SHROOM4: variants seen among roughly 807,000 people sequenced by gnomAD.
SHROOM4 encodes protein Shroom4.
Under a neutral mutation model 80.3 loss-of-function variants are expected in SHROOM4, and 17 were observed. The observed-to-expected ratio is 0.21, with a 90% CI of 0.14 to 0.32. The LOEUF is 0.32. SHROOM4 is among the 10% of genes least tolerant of loss of function. SHROOM4 has a pLI of 1.00. For synonymous variants in SHROOM4, 400 were observed against 437.5 expected, an observed-to-expected ratio of 0.91 and a Z score of 1.07; for missense variants, 993 against 1,140.3, an observed-to-expected ratio of 0.87 and a Z score of 1.86.
At chrX:50,692,343 T>G (rs1332369081) in intron 2 of SHROOM4, among the ~76,000 whole-genome samples, 1 of 111,951 alleles carries the variant, frequency 8.9e-6, no homozygotes, top group Non-Finnish European at 1.9e-5. Context: ...CATCATTCTC[T>G]GCAGGTTAGG....
chrX:50,776,339 G>C (rs1054145122), intron 1 of SHROOM4, among the ~76,000 whole-genome samples: 8 of 110,948 alleles, frequency 7.2e-5, no homozygotes, highest in Non-Finnish European at 1.5e-4. Flanking sequence ...CTTTTATTTA[G>C]ACAATATCTA....
rs782241718 is a variant in SHROOM4, at chrX:50,634,634, A to T, written c.1439T>A (p.Val480Glu). The T allele has an allele frequency of 7.3e-5, 88 of 1,209,429 alleles. No homozygotes were observed. Among genetic ancestry groups the T allele is most frequent in the Non-Finnish European group, 9.7e-5 (87 of 895,120 alleles). ...TCCCAAAACTAAAGACCTGTCATCC[A>T]CTTGTCTGGTCTTTCTTTCTTTGCT... is the stretch of plus-strand genomic sequence containing the variant. ...QSSKERKTRQVDDRSLVLGHQ... is the reference protein window; with the variant it reads ...QSSKERKTRQEDDRSLVLGHQ... The change falls in exon 4 of 9, where the codon GTG becomes GAG. Residue 480 changes from valine to glutamate, a missense_variant. Transcript: ENST00000376020.
intron 2 of SHROOM4, among the ~76,000 whole-genome samples, chrX:50,695,193 A>G (rs1044605175): frequency 9.8e-5 from 11 of 111,794 alleles, no homozygotes; most frequent in Non-Finnish European, 1.5e-4. Flanking sequence ...CACTTCCTCT[A>G]TGAAGTCTTA....
chrX:50,590,535 C>A lies in SHROOM4; in HGVS notation c.*6160G>T, dbSNP rs188135150. Among the ~76,000 whole-genome samples the A allele has an allele frequency of 3.0e-3, 337 of 111,225 alleles. 1 individual carries two copies. Among genetic ancestry groups the A allele is most frequent in the African/African-American group, 9.8e-3 (300 of 30,602 alleles). ...AAAGTGCTGGGATTACAGGCGTGAG[C>A]CACCGCGCCTGGCCGAGACCAGATC... On this transcript the variant is annotated 3_prime_UTR_variant, in exon 9 of 9. Coordinates refer to ENST00000376020, the MANE Select transcript of SHROOM4 (RefSeq NM_020717.5).
rs1323883636 is a variant in SHROOM4 at position 50,587,209 on chromosome X, C to T, written c.*9486G>A. On this transcript the variant is annotated 3_prime_UTR_variant, in exon 9 of 9. Coordinates refer to ENST00000376020, the MANE Select transcript of SHROOM4 (RefSeq NM_020717.5). ...GGTTCATCCATTTTGTCATAAATAG[C>T]AGGCTTTTATCAAAAAGGCAAGGGA... is the stretch of plus-strand genomic sequence containing the variant. Among the ~76,000 whole-genome samples, 2 of 112,024 alleles carry T rather than the reference C, an allele frequency of 1.8e-5. No individual in the cohort carries two copies. Among genetic ancestry groups the T allele is most frequent in the Non-Finnish European group, 3.8e-5 (2 of 53,219 alleles).
chrX:50,697,466 C>T lies in SHROOM4; in HGVS notation c.118-1529G>A, dbSNP rs147616943. On this transcript the variant is annotated intron_variant, in intron 1 of 8. Coordinates refer to ENST00000376020, the MANE Select transcript of SHROOM4 (RefSeq NM_020717.5). ...TCATGTGCAAATTTGGCAGATGAGA[C>T]CTCCTGAGTGCAGAGAAAAAATTAA... Among the ~76,000 whole-genome samples the T allele has an allele frequency of 2.2e-3, 243 of 111,795 alleles. No individual in the cohort carries two copies. In the East Asian group the frequency reaches 0.048, roughly 22 times the overall value.
intron 1 of SHROOM4, among the ~76,000 whole-genome samples, chrX:50,761,853 G>A (rs1167016565): frequency 9.0e-6 from 1 of 111,653 alleles, no homozygotes; most frequent in African/African-American, 3.3e-5. Context: ...GAGCCACTGC[G>A]CCTGGCCCAC....
intron 2 of SHROOM4, among the ~76,000 whole-genome samples, chrX:50,646,515 C>A (rs1417942337): frequency 1.1e-5 from 1 of 94,171 alleles, no homozygotes; most frequent in Non-Finnish European, 2.1e-5. Context: ...TAGACCCAAC[C>A]AAGGGGGGAA....
At chrX:50,681,593 G>A (rs1932941656) in intron 2 of SHROOM4, among the ~76,000 whole-genome samples, 1 of 111,730 alleles carries the variant, frequency 9.0e-6, no homozygotes, top group South Asian at 3.8e-4. Context: ...AGTCTCCCCT[G>A]CCCCTGCTGC....
At chrX:50,750,920 T>C (rs1934902983) in intron 1 of SHROOM4, among the ~76,000 whole-genome samples, 1 of 112,158 alleles carries the variant, frequency 8.9e-6, no homozygotes. Context: ...CATTAAGATT[T>C]GACAAAACAT....
chrX:50,767,630 A>G lies in SHROOM4; in HGVS notation c.117+46272T>C, dbSNP rs1305466236. 3.6e-5 allele frequency among the ~76,000 whole-genome samples: 4 copies of G among 111,418 alleles called. No individual in the cohort carries two copies. The South Asian group carries it at 1.1e-3, about 32-fold the overall frequency. On this transcript the variant is annotated intron_variant, in intron 1 of 8. Coordinates refer to ENST00000376020, the MANE Select transcript of SHROOM4 (RefSeq NM_020717.5). Reference sequence around the variant, plus strand: ...TCTCAAAGGCTTCTTTTTTCTTTTTAAACTTATTACCAGAGTCCAGGCTGT... The same window carrying G: ...TCTCAAAGGCTTCTTTTTTCTTTTTGAACTTATTACCAGAGTCCAGGCTGT...
rs1216359219 is a variant in SHROOM4 at position 50,597,851 on chromosome X, T to A, written c.4212+415A>T. Among the ~76,000 whole-genome samples the A allele has an allele frequency of 9.0e-5, 10 of 110,973 alleles. No homozygotes were observed. In the East Asian group the frequency reaches 1.7e-3, roughly 19 times the overall value. On this transcript the variant is annotated intron_variant, in intron 8 of 8. Coordinates refer to ENST00000376020, the MANE Select transcript of SHROOM4 (RefSeq NM_020717.5). ...ATTTTTTTATTTTATTATTATTATTTTTTTTGAGACAGGGTCTTGCTCTGT... is the reference window on the plus strand; with the variant it reads ...ATTTTTTTATTTTATTATTATTATTATTTTTGAGACAGGGTCTTGCTCTGT...
chrX:50,738,495 A>T (rs1934556894), intron 1 of SHROOM4, among the ~76,000 whole-genome samples: 1 of 111,863 alleles, frequency 8.9e-6, no homozygotes, highest in Admixed American at 9.5e-5. Context: ...AGGATACAAA[A>T]TCAATGTGCA....
chrX:50,635,031 G>A lies in SHROOM4; in HGVS notation c.1042C>T (p.Pro348Ser). The change falls in exon 4 of 9, where the codon CCT (proline) becomes TCT (serine). Residue 348 changes from proline to serine, a missense_variant. Coordinates refer to ENST00000376020, the MANE Select transcript of SHROOM4 (RefSeq NM_020717.5). ...TCAGAGCCCTGTTGGCTGGATTCAGGAGGCTGACTGAACTCACAGTTCTGA... is the reference window on the plus strand; with the variant it reads ...TCAGAGCCCTGTTGGCTGGATTCAGAAGGCTGACTGAACTCACAGTTCTGA... ...GHQNCEFSQP[P>S]ESSQQGSEHL... 3 of 1,212,144 alleles carry A rather than the reference G, an allele frequency of 2.5e-6. No individual in the cohort carries two copies. The highest frequency in any genetic ancestry group is 3.3e-6 in the Non-Finnish European group (3 of 895,611).
At chrX:50,774,892 A>G (rs1935473017) in intron 1 of SHROOM4, among the ~76,000 whole-genome samples, 1 of 111,961 alleles carries the variant, frequency 8.9e-6, no homozygotes, top group Admixed American at 9.5e-5. Flanking sequence ...CATGCAAACT[A>G]TAAAAGGAAA....
At chrX:50,676,123 G>A (rs1294810057) in intron 2 of SHROOM4, among the ~76,000 whole-genome samples, 1 of 111,517 alleles carries the variant, frequency 9.0e-6, no homozygotes, top group Non-Finnish European at 1.9e-5. Flanking sequence ...GGAAAAAGAA[G>A]ACAGTTAGAT....
In SHROOM4 at chrX:50,814,121, C is replaced by T. The variant is rs1936410416; in HGVS notation, c.-103G>A. 1.3e-5 allele frequency: 7 copies of T among 558,039 alleles called. No individual in the cohort carries two copies. The highest frequency in any genetic ancestry group is 2.2e-5 in the Non-Finnish European group (7 of 322,517). 46.0% of individuals were successfully genotyped at this position (558,039 alleles called of 1,213,427 possible). A position where few individuals can be genotyped will look rare whatever the true frequency, so the allele number is the denominator to read the frequency against. ...CATCGCCCTCCAGCTCTACGCCACC[C>T]CGCACCGCCCTGCTCCGCCTACTCT... On this transcript the variant is annotated 5_prime_UTR_variant, in exon 1 of 9. Coordinates refer to ENST00000376020, the MANE Select transcript of SHROOM4 (RefSeq NM_020717.5).
intron 1 of SHROOM4, among the ~76,000 whole-genome samples, chrX:50,751,736 C>A (rs1934923369): frequency 8.9e-6 from 1 of 112,025 alleles, no homozygotes; most frequent in South Asian, 3.8e-4. Flanking sequence ...ACAGTTATTT[C>A]TTTGTTACTT....
chrX:50,689,862 A>T (rs1557262526), intron 2 of SHROOM4, among the ~76,000 whole-genome samples: 2 of 112,280 alleles, frequency 1.8e-5, no homozygotes. Context: ...AATTCCATGT[A>T]TATATTTTGC....
Sources: allele counts gnomAD v4.1 joint callset (sites outside exome capture counted in the v4.1 genomes callset), GRCh38; gene constraint gnomAD v4.1.1; transcripts MANE v1.5; gene names NCBI Gene and HGNC (gene_info 2026-07-23, HGNC 2026-07-21).